CFAP52: variants seen among roughly 807,000 people sequenced by gnomAD.
CFAP52 encodes cilia- and flagella-associated protein 52.
Under a neutral mutation model 70.5 loss-of-function variants are expected in CFAP52, and 57 were observed. That is an observed-to-expected ratio of 0.81 (90% CI 0.65 to 1.01). The LOEUF is 1.01. Among genes scored for constraint, CFAP52 ranks in the 50% least tolerant of loss-of-function variants. The probability of loss-of-function intolerance (pLI) is 0.00; values close to 1 mark genes in which losing one functional copy is unlikely to be tolerated. For synonymous variants in CFAP52, 267 were observed against 292.5 expected, an observed-to-expected ratio of 0.91 and a Z score of 0.89; for missense variants, 785 against 788.5, an observed-to-expected ratio of 1.00 and a Z score of 0.05.
intron 8 of CFAP52, among the ~76,000 whole-genome samples, chr17:9,628,282 C>CT (rs61617597): frequency 0.027 from 3,762 of 139,262 alleles, 63 homozygotes; most frequent in Non-Finnish European, 0.036. Context: ...TCCCTATATT[C>CT]TTTTTTTTTT....
chr17:9,600,125 T>C lies in CFAP52; in HGVS notation c.695T>C (p.Met232Thr). The C allele has an allele frequency of 6.2e-7, 1 of 1,614,064 alleles. No homozygotes were observed. The highest frequency in any genetic ancestry group is 8.5e-7 in the Non-Finnish European group (1 of 1,179,970). Reference sequence around the variant, plus strand: ...ACCACGACTGGAGATATTCTAAAAATGAACCCCAGGACTAAACTGCTGACA... The same window carrying C: ...ACCACGACTGGAGATATTCTAAAAACGAACCCCAGGACTAAACTGCTGACA... The part of the protein sequence containing the change: ...LGTTTGDILK[M>T]NPRTKLLTDV... Residue 232 changes from methionine to threonine, a missense_variant, in exon 6 of 14, where the codon ATG becomes ACG. By Grantham distance (81) the Met-to-Thr change is moderately conservative. Transcript: ENST00000352665.
intron 8 of CFAP52, among the ~76,000 whole-genome samples, chr17:9,614,474 G>GC (rs1909834200): frequency 6.6e-6 from 1 of 151,890 alleles, no homozygotes; most frequent in African/African-American, 2.4e-5. Flanking sequence ...TATTTCTCTT[G>GC]CCATCAATTT....
At chr17:9,640,112 A>G (rs1910983574) in intron 12 of CFAP52, among the ~76,000 whole-genome samples, 1 of 152,232 alleles carries the variant, frequency 6.6e-6, no homozygotes, top group African/African-American at 2.4e-5. Context: ...GATTCAGAGG[A>G]ATACAGACTC....
chr17:9,602,794 T>C (rs1237283289), intron 6 of CFAP52, among the ~76,000 whole-genome samples: 1 of 152,228 alleles, frequency 6.6e-6, no homozygotes, highest in Non-Finnish European at 1.5e-5. Context: ...CCTGACTTTT[T>C]AATGATCGCC....
downstream of CFAP52, chr17:9,644,578 A>C (rs1244465098): frequency 7.2e-6 from 1 of 139,690 alleles, no homozygotes; most frequent in Non-Finnish European, 1.5e-5. Context: ...GTTGCATGGG[A>C]TAAAGTGAGG....
At chr17:9,595,117 C>G (rs1306351248) in intron 4 of CFAP52, among the ~76,000 whole-genome samples, 1 of 152,092 alleles carries the variant, frequency 6.6e-6, no homozygotes, top group Non-Finnish European at 1.5e-5. Flanking sequence ...TCTCCAACTC[C>G]TGACCTCAGG....
At chr17:9,614,721 G>A (rs545133684) in intron 8 of CFAP52, among the ~76,000 whole-genome samples, 53 of 152,320 alleles carry the variant, frequency 3.5e-4, no homozygotes, top group African/African-American at 1.2e-3. Flanking sequence ...TATTGTGGAT[G>A]CTATTCTGTG....
intron 6 of CFAP52, among the ~76,000 whole-genome samples, chr17:9,605,093 TA>T (rs1321515238): frequency 2.0e-5 from 3 of 152,172 alleles, no homozygotes; most frequent in Non-Finnish European, 4.4e-5. Context: ...CACTCCTTGC[TA>T]TTTACCCAAA....
intron 1 of CFAP52, among the ~76,000 whole-genome samples, chr17:9,581,892 G>A (rs1025998222): frequency 6.6e-6 from 1 of 152,298 alleles, no homozygotes; most frequent in African/African-American, 2.4e-5. Context: ...AGCATTGAGC[G>A]TTGAGCAGTG....
intron 5 of CFAP52, among the ~76,000 whole-genome samples, chr17:9,599,790 G>A (rs1909182405): frequency 6.6e-6 from 1 of 151,800 alleles, no homozygotes; most frequent in Admixed American, 6.6e-5. Flanking sequence ...TGCCCAGGCT[G>A]GAGTGCAATG....
chr17:9,588,540 C>T (rs1214108871), intron 3 of CFAP52, among the ~76,000 whole-genome samples: 1 of 152,132 alleles, frequency 6.6e-6, no homozygotes, highest in Admixed American at 6.6e-5. Flanking sequence ...CTGCCTACAG[C>T]CCCCGAGTGT....
intron 1 of CFAP52, chr17:9,584,119 C>G (rs1317589846): frequency 2.7e-6 from 3 of 1,099,328 alleles, no homozygotes; most frequent in Middle Eastern, 7.9e-4. Context: ...CCTGTTCTTA[C>G]CAGGCTGGTC....
chr17:9,586,417 G>A (rs1327847952), intron 2 of CFAP52, among the ~76,000 whole-genome samples: 1 of 152,016 alleles, frequency 6.6e-6, no homozygotes, highest in African/African-American at 2.4e-5. Context: ...TACAAAATTA[G>A]CAGGGCGTGC....
At chr17:9,630,247 ACAGAAGCCAGAAGC>A (rs1209524695) in intron 9 of CFAP52, among the ~76,000 whole-genome samples, 1 of 151,312 alleles carries the variant, frequency 6.6e-6, no homozygotes, top group African/African-American at 2.4e-5. Flanking sequence ...TGTTTTCGAC[ACAGAAGCCAGAAGC>A]CAGAAGCCAG....
chr17:9,635,314 C>A, intron 10 of CFAP52, 91 bp from the exon 11 acceptor site: 1 of 1,539,112 alleles, frequency 6.5e-7, no homozygotes, highest in Non-Finnish European at 8.8e-7. Context: ...ACAAATCAAG[C>A]ATAGCAAAGG....
At chr17:9,579,112 G>A (rs1277823827) in intron 1 of CFAP52, among the ~76,000 whole-genome samples, 2 of 152,050 alleles carry the variant, frequency 1.3e-5, no homozygotes, top group Non-Finnish European at 2.9e-5. Context: ...GGGGATTGGG[G>A]AGCTTATGAT....
chr17:9,600,176 T>A lies in CFAP52; in HGVS notation c.746T>A (p.Phe249Tyr), dbSNP rs757155125. 6 of 1,613,832 alleles carry A rather than the reference T, an allele frequency of 3.7e-6. No individual in the cohort carries two copies. The highest frequency in any genetic ancestry group is 5.1e-6 in the Non-Finnish European group (6 of 1,179,786). ...LTDVGPAKDK[F>Y]SLGVSAIRCL... ...GATGTTGGGCCTGCGAAGGACAAATTCAGTTTGGTGAGTAGAGACCATCGC... is the reference window on the plus strand; with the variant it reads ...GATGTTGGGCCTGCGAAGGACAAATACAGTTTGGTGAGTAGAGACCATCGC... Residue 249 changes from phenylalanine to tyrosine, a missense_variant, in exon 6 of 14, where the codon TTC becomes TAC. Phe to Tyr is a conservative substitution (Grantham distance 22). Coordinates refer to ENST00000352665, the MANE Select transcript of CFAP52 (RefSeq NM_145054.5).
chr17:9,614,628 A>G (rs2151943145), intron 8 of CFAP52, among the ~76,000 whole-genome samples: 1 of 152,346 alleles, frequency 6.6e-6, no homozygotes, highest in East Asian at 1.9e-4. Flanking sequence ...TTATTTATTA[A>G]AAAAAGGACT....
At chr17:9,581,907 C>A (rs1455929190) in intron 1 of CFAP52, among the ~76,000 whole-genome samples, 2 of 152,150 alleles carry the variant, frequency 1.3e-5, no homozygotes, top group East Asian at 3.8e-4. Context: ...GCAGTGTGGC[C>A]ATGAGAGGTC....
Sources: allele counts gnomAD v4.1 joint callset (sites outside exome capture counted in the v4.1 genomes callset), GRCh38; gene constraint gnomAD v4.1.1; transcripts MANE v1.5; gene names NCBI Gene and HGNC (gene_info 2026-07-23, HGNC 2026-07-21).